DPP6: variants seen among roughly 807,000 people sequenced by gnomAD.
DPP6 encodes the protein A-type potassium channel modulatory protein DPP6.
DPP6 carries 69 observed loss-of-function variants against 122.6 expected under a neutral mutation model. That is an observed-to-expected ratio of 0.56 (90% CI 0.46 to 0.69). DPP6 has a LOEUF of 0.69. Ranked by LOEUF, DPP6 falls within the 30% of genes least tolerant of loss-of-function variation. The pLI is 0.00. For missense variants in DPP6, 928 were observed against 1,116.9 expected (o/e 0.83, Z 2.41); for synonymous variants, 418 against 433.1 (o/e 0.97, Z 0.43).
At chr7:154,086,983 A>G (rs925896252) in intron 1 of DPP6, among the ~76,000 whole-genome samples, 5 of 152,198 alleles carry the variant, frequency 3.3e-5, no homozygotes, top group African/African-American at 1.2e-4. Flanking sequence ...ACTGTTGTCA[A>G]ATGAAATGAT....
intron 1 of DPP6, among the ~76,000 whole-genome samples, chr7:154,124,285 T>A (rs1251015507): frequency 6.6e-6 from 1 of 152,146 alleles, no homozygotes; most frequent in Non-Finnish European, 1.5e-5. Context: ...TAAGGAAGAA[T>A]CCCTTGGCTG....
At chr7:154,525,092 A>G (rs564552271) in intron 3 of DPP6, among the ~76,000 whole-genome samples, 1 of 152,288 alleles carries the variant, frequency 6.6e-6, no homozygotes, top group South Asian at 2.1e-4. Context: ...ATTGGTTCCT[A>G]TTGATATTTC....
At chr7:154,637,450 C>T (rs1393060425) in intron 5 of DPP6, among the ~76,000 whole-genome samples, 2 of 152,182 alleles carry the variant, frequency 1.3e-5, no homozygotes, top group Non-Finnish European at 2.9e-5. Flanking sequence ...TCTAGCCGTA[C>T]ATGGGTCTTA....
intron 1 of DPP6, among the ~76,000 whole-genome samples, chr7:154,355,752 A>G (rs1416418189): frequency 6.6e-6 from 1 of 152,160 alleles, no homozygotes; most frequent in Non-Finnish European, 1.5e-5. Flanking sequence ...GTAAGTTACT[A>G]TATCTTGTTA....
intron 1 of DPP6, among the ~76,000 whole-genome samples, chr7:154,407,039 G>A (rs541762945): frequency 6.6e-6 from 1 of 152,254 alleles, no homozygotes; most frequent in Middle Eastern, 3.4e-3. Flanking sequence ...TCATCTTAGT[G>A]ACAGTACTTC....
At chr7:154,209,465 A>G (rs1387930754) in intron 1 of DPP6, among the ~76,000 whole-genome samples, 2 of 152,056 alleles carry the variant, frequency 1.3e-5, no homozygotes, top group South Asian at 2.1e-4. Context: ...TTTTAAATCT[A>G]GTTAACTCTA....
intron 1 of DPP6, among the ~76,000 whole-genome samples, chr7:154,377,555 C>T (rs1030731792): frequency 9.2e-5 from 14 of 152,148 alleles, no homozygotes; most frequent in African/African-American, 3.4e-4. Flanking sequence ...AGGGCAGTTT[C>T]CTTCTTGCTG....
chr7:154,545,470 C>T (rs73729332), intron 4 of DPP6, among the ~76,000 whole-genome samples: 24 of 124,370 alleles, frequency 1.9e-4, no homozygotes, highest in African/African-American at 7.1e-4. Context: ...CTCCCTCCCT[C>T]CCTTCCTTCC....
the DPP6 span, among the ~76,000 whole-genome samples, chr7:153,868,499 A>C: frequency 4.9e-4 from 75 of 152,014 alleles, no homozygotes; most frequent in East Asian, 0.013. Flanking sequence ...GTGGTGATAT[A>C]ACCTTTGTCA....
At chr7:154,736,141 T>G (rs556605752) in intron 8 of DPP6, among the ~76,000 whole-genome samples, 10 of 152,240 alleles carry the variant, frequency 6.6e-5, no homozygotes, top group Non-Finnish European at 1.5e-4. Flanking sequence ...ATGCCCTCAC[T>G]TGCCTATGTT....
intron 7 of DPP6, among the ~76,000 whole-genome samples, chr7:154,683,357 T>C (rs551169234): frequency 2.0e-5 from 3 of 152,332 alleles, no homozygotes; most frequent in Non-Finnish European, 4.4e-5. Context: ...AGCTCTGCCC[T>C]GTAAGTGGTA....
the DPP6 span, among the ~76,000 whole-genome samples, chr7:153,872,284 C>T: frequency 0.019 from 2,883 of 152,192 alleles, 94 homozygotes; most frequent in African/African-American, 0.061. Flanking sequence ...ATCCAGGTAC[C>T]TCACAGGTGC....
At chr7:153,803,417 A>G in the DPP6 span, among the ~76,000 whole-genome samples, 1 of 149,896 alleles carries the variant, frequency 6.7e-6, no homozygotes, top group Non-Finnish European at 1.5e-5. Context: ...GGACTCAAAT[A>G]GAACAAAAGG....
At chr7:153,807,255 A>G in the DPP6 span, among the ~76,000 whole-genome samples, 1 of 151,766 alleles carries the variant, frequency 6.6e-6, no homozygotes, top group African/African-American at 2.4e-5. Context: ...TCTACTAAAA[A>G]TACAAAAATT....
intron 1 of DPP6, among the ~76,000 whole-genome samples, chr7:154,385,251 A>G (rs1172859344): frequency 6.6e-6 from 1 of 152,062 alleles, no homozygotes; most frequent in Admixed American, 6.5e-5. Context: ...TTCTTGCATT[A>G]TGCATTTTTC....
intron 7 of DPP6, among the ~76,000 whole-genome samples, chr7:154,710,826 C>T (rs1841131939): frequency 6.6e-6 from 1 of 152,270 alleles, no homozygotes; most frequent in East Asian, 1.9e-4. Context: ...AGTGAAGACT[C>T]TCCTGTGGGC....
intron 1 of DPP6, among the ~76,000 whole-genome samples, chr7:154,055,205 C>T (rs868268831): frequency 1.5e-4 from 21 of 143,690 alleles, no homozygotes; most frequent in African/African-American, 5.5e-4. Flanking sequence ...CCATTATCTG[C>T]ACATATATAT....
intron 1 of DPP6, among the ~76,000 whole-genome samples, chr7:154,242,111 C>T (rs76733749): frequency 6.6e-6 from 1 of 152,304 alleles, no homozygotes; most frequent in African/African-American, 2.4e-5. Flanking sequence ...TTGAGGAGCT[C>T]TCTGAAACAA....
chr7:154,261,961 G>A (rs531807424), intron 1 of DPP6, among the ~76,000 whole-genome samples: 25 of 152,050 alleles, frequency 1.6e-4, no homozygotes, highest in African/African-American at 6.0e-4. Flanking sequence ...AGTTGATGGT[G>A]GCTTGGACCT....
Sources: allele counts gnomAD v4.1 joint callset (sites outside exome capture counted in the v4.1 genomes callset), GRCh38; gene constraint gnomAD v4.1.1; transcripts MANE v1.5; gene names NCBI Gene and HGNC (gene_info 2026-07-23, HGNC 2026-07-21).